Variants in CERS1 observed in about 807,000 individuals in gnomAD.
CERS1 encodes ceramide synthase 1.
In CERS1, 16 loss-of-function variants were observed where a neutral mutation model predicts 35.7. That is an observed-to-expected ratio of 0.45 (90% CI 0.30 to 0.68). The LOEUF (loss-of-function observed/expected upper bound fraction) is 0.68. Among genes scored for constraint, CERS1 ranks in the 30% least tolerant of loss-of-function variants. The pLI, the probability that CERS1 is intolerant of heterozygous loss-of-function variation, is 0.08. For synonymous variants in CERS1, 243 were observed against 201.6 expected (o/e 1.21, Z -1.74); for missense variants, 454 against 453.9 (o/e 1.00, Z 0.00).
intron 2 of CERS1, among the ~76,000 whole-genome samples, chr19:18,887,187 C>T (rs2056382919): frequency 6.6e-6 from 1 of 152,216 alleles, no homozygotes; most frequent in South Asian, 2.1e-4. Flanking sequence ...AAGAATGAAG[C>T]ACGGATCCAT....
chr19:18,885,325 T>C (rs1386790885), intron 2 of CERS1, among the ~76,000 whole-genome samples: 1 of 151,482 alleles, frequency 6.6e-6, no homozygotes, highest in Non-Finnish European at 1.5e-5. Flanking sequence ...CTCAGCCTCC[T>C]GAGTAGCTGG....
intron 2 of CERS1, among the ~76,000 whole-genome samples, chr19:18,891,962 C>T (rs59926723): frequency 2.0e-4 from 31 of 151,430 alleles, no homozygotes; most frequent in African/African-American, 7.3e-4. Flanking sequence ...GGCACCATCT[C>T]GGCTCACTGC....
In CERS1 at chr19:18,895,986, G is replaced by T; in HGVS notation, c.87C>A (p.Ser29Arg). The T allele has an allele frequency of 1.9e-6, 2 of 1,041,812 alleles. No homozygotes were observed. Among genetic ancestry groups the T allele is most frequent in the Non-Finnish European group, 2.3e-6 (2 of 867,072 alleles). 64.5% of individuals were successfully genotyped at this position (1,041,812 alleles called of 1,614,324 possible). The change falls in exon 1 of 8, where the codon AGC becomes AGA. Residue 29 changes from serine to arginine, a missense_variant. By Grantham distance (110) the Ser-to-Arg change is moderately radical (BLOSUM62 -1). Coordinates refer to ENST00000623882, the MANE Select transcript of CERS1 (RefSeq NM_021267.5). The surrounding 1 kb of genome is among the most constrained non-coding windows in gnomAD (Gnocchi z 6.4). ...TGCAGCCCCGCGCCGCCGCCAGCGC[G>T]CTGCCCCAGCCGCGCTGCACTAGCT... Reference protein sequence around the residue: ...YAQLVQRGWGSALAAARGCTD... With the variant: ...YAQLVQRGWGRALAAARGCTD...
In CERS1 at chr19:18,878,640, CGCCACACCA is replaced by C; in HGVS notation, c.1010+281_1010+289del. 1 of 1,232,672 alleles carries C rather than the reference CGCCACACCA, an allele frequency of 8.1e-7. No homozygotes were observed. The highest frequency in any genetic ancestry group is 4.3e-5 in the East Asian group (1 of 23,160). The allele number at this position is 1,232,672 out of a possible 1,614,324, so 76.4% of individuals were successfully genotyped here. A position where few individuals can be genotyped will look rare whatever the true frequency, so the allele number is the denominator to read the frequency against. On this transcript the variant is annotated intron_variant, in intron 6 of 7. Transcript: ENST00000623882. This position sits in a 1 kb window ranked among gnomAD's most constrained non-coding sequence, Gnocchi z 4.6. ...CCACAGGGCCCTGGCTCGCCACTCC[CGCCACACCA>C]GCCACTAGGCCTGGCCCTCAGTGTC... is the stretch of plus-strand genomic sequence containing the variant.
rs1291714515 is a variant in CERS1 at position 18,870,117 on chromosome 19, C to T, written c.*460G>A. On this transcript the variant is annotated 3_prime_UTR_variant, in exon 7 of 8. Coordinates refer to ENST00000623882, the MANE Select transcript of CERS1 (RefSeq NM_021267.5). This position sits in a 1 kb window ranked among gnomAD's most constrained non-coding sequence, Gnocchi z 5.1. ...CTGGGGGTCCCGGCGTCGAAACAGGCGCCACATGACCGGGGGAACCGGCCG... is the reference window on the plus strand; with the variant it reads ...CTGGGGGTCCCGGCGTCGAAACAGGTGCCACATGACCGGGGGAACCGGCCG... The T allele has an allele frequency of 1.3e-6, 2 of 1,566,412 alleles. No homozygotes were observed. The highest frequency in any genetic ancestry group is 8.6e-7 in the Non-Finnish European group (1 of 1,161,324).
At chr19:18,888,534 A>AAAC (rs1555706268) in intron 2 of CERS1, among the ~76,000 whole-genome samples, 6 of 148,934 alleles carry the variant, frequency 4.0e-5, no homozygotes, top group African/African-American at 1.5e-4. Flanking sequence ...AAAAAAAAAA[A>AAAC]AAAAAAAAAA....
rs558178531 is a variant in CERS1, at chr19:18,870,941, C to A, written c.1011-322G>T. ...CTGGAGGGCAAAACCCACGTACCGG[C>A]CTGGGCCTGACAACTCCACCGCCTC... On this transcript the variant is annotated intron_variant, in intron 6 of 7. Coordinates refer to ENST00000623882, the MANE Select transcript of CERS1 (RefSeq NM_021267.5). This position sits in a 1 kb window ranked among gnomAD's most constrained non-coding sequence, Gnocchi z 5.1. 5.3e-5 allele frequency among the ~76,000 whole-genome samples: 8 copies of A among 152,306 alleles called. No homozygotes were observed. The East Asian group carries it at 1.5e-3, about 29-fold the overall frequency.
Position 18,893,509 on chromosome 19 carries a change from A to G in CERS1, c.316T>C (p.Phe106Leu). The change falls in exon 2 of 8, where the codon TTT becomes CTT. Residue 106 changes from phenylalanine (F) to leucine (L), a missense_variant. Transcript: ENST00000623882. ...AAKMPESAWKFLFYLGSWSYS... is the reference protein window; with the variant it reads ...AAKMPESAWKLLFYLGSWSYS... Reference sequence around the variant, plus strand: ...CTCCAGCTGCCCAGGTAGAAGAGAAACTTCCAAGCGCTCTCGGGCATCTTG... The same window carrying G: ...CTCCAGCTGCCCAGGTAGAAGAGAAGCTTCCAAGCGCTCTCGGGCATCTTG... The G allele has an allele frequency of 6.2e-7, 1 of 1,610,406 alleles. No homozygotes were observed. Among genetic ancestry groups the G allele is most frequent in the Non-Finnish European group, 8.5e-7 (1 of 1,178,636 alleles).
Position 18,878,038 on chromosome 19 carries a change from A to T in CERS1, c.1010+892T>A, listed in dbSNP as rs1477291444. On this transcript the variant is annotated intron_variant, in intron 6 of 7. Coordinates refer to ENST00000623882, the MANE Select transcript of CERS1 (RefSeq NM_021267.5). The surrounding 1 kb of genome is among the most constrained non-coding windows in gnomAD (Gnocchi z 4.6). The stretch of plus-strand genomic sequence containing the variant: ...CTGGCTACAGCCCCGGATGTGTTAA[A>T]TGTCTGCATCTCGCACCTCCCGTTC... 40 of 985,322 alleles carry T rather than the reference A, an allele frequency of 4.1e-5. No homozygotes were observed. The highest frequency in any genetic ancestry group is 4.7e-5 in the Non-Finnish European group (39 of 829,974). 61.0% of individuals were successfully genotyped at this position (985,322 alleles called of 1,614,324 possible).
rs1394869987 is a variant in CERS1, at chr19:18,879,304, G to A, written c.837C>T (p.Pro279=). The change falls in exon 5 of 8, where the codon CCC becomes CCT. Residue 279 remains proline (P), a synonymous_variant. Coordinates refer to ENST00000623882, the MANE Select transcript of CERS1 (RefSeq NM_021267.5). ...GGAGCGCATTGAAGAAGAAGTAGAA[G>A]GGGATGTCAGGCACCGTGCGCAGAC... ...HCSLRTVPDI[P]FYFFFNALLL... 1 of 1,612,814 alleles carries A rather than the reference G, an allele frequency of 6.2e-7. No individual in the cohort carries two copies. Among genetic ancestry groups the A allele is most frequent in the South Asian group, 1.1e-5 (1 of 90,712 alleles).
Position 18,869,397 on chromosome 19 carries a change from A to T in CERS1, c.*595-7T>A. On this transcript the variant is annotated splice_polypyrimidine_tract_variant and splice_region_variant and intron_variant, in intron 7 of 7. Transcript: ENST00000623882. ...GAGGCCCGGGTGGGCGCACCTGGGG[A>T]GGTAGGAACAGGAACTCGGCTCGCG... The T allele has an allele frequency of 6.6e-7, 1 of 1,526,468 alleles. No individual in the cohort carries two copies. Among genetic ancestry groups the T allele is most frequent in the Non-Finnish European group, 8.7e-7 (1 of 1,143,284 alleles). The allele number at this position is 1,526,468 out of a possible 1,614,324, so 94.6% of individuals were successfully genotyped here. A position where few individuals can be genotyped will look rare whatever the true frequency, so the allele number is the denominator to read the frequency against.
Position 18,880,328 on chromosome 19 carries a change from T to C in CERS1, c.698A>G (p.His233Arg), listed in dbSNP as rs2056172422. ...IYFKSRGGSY[H>R]RLHALAADLG... is the part of the protein sequence containing the mutation. ...GTCTGCTGCCAAGGCATGCAGCCGATGGTAGGAGCCGCCGCGGGACTTGAA... is the reference window on the plus strand; with the variant it reads ...GTCTGCTGCCAAGGCATGCAGCCGACGGTAGGAGCCGCCGCGGGACTTGAA... Residue 233 changes from histidine (H) to arginine (R), a missense_variant, in exon 4 of 8, where the codon CAT (histidine) becomes CGT (arginine). Transcript: ENST00000623882. 4 of 1,554,836 alleles carry C rather than the reference T, an allele frequency of 2.6e-6. No individual in the cohort carries two copies. The highest frequency in any genetic ancestry group is 3.5e-6 in the Non-Finnish European group (4 of 1,149,362).
rs573367364 is a variant in CERS1, at chr19:18,882,118, A to G, written c.591-1683T>C. ...AGCCACTGCACCTGGCCTTTTCTCC[A>G]TAATTCTTATCACCTTCAAATGAAC... On this transcript the variant is annotated intron_variant, in intron 3 of 7. Transcript: ENST00000623882. 3.9e-5 allele frequency: 6 copies of G among 154,404 alleles called. No individual in the cohort carries two copies. The South Asian group carries it at 1.0e-3, about 26-fold the overall frequency. 9.6% of individuals were successfully genotyped at this position (154,404 alleles called of 1,614,324 possible).
At position 18,870,100 on chromosome 19, in the gene CERS1, C is replaced by A. The variant is rs1189916653; in HGVS notation, c.*477G>T. ...GAGCCAGACCTGGTCTCCTGGGGGT[C>A]CCGGCGTCGAAACAGGCGCCACATG... On this transcript the variant is annotated 3_prime_UTR_variant, in exon 7 of 8. Coordinates refer to ENST00000623882, the MANE Select transcript of CERS1 (RefSeq NM_021267.5). This position sits in a 1 kb window ranked among gnomAD's most constrained non-coding sequence, Gnocchi z 5.1. 2 of 1,571,296 alleles carry A rather than the reference C, an allele frequency of 1.3e-6. No homozygotes were observed. Among genetic ancestry groups the A allele is most frequent in the Admixed American group, 3.6e-5 (2 of 55,324 alleles).
At chr19:18,894,249 G>A (rs2056569872) in intron 1 of CERS1, among the ~76,000 whole-genome samples, 1 of 151,598 alleles carries the variant, frequency 6.6e-6, no homozygotes, top group Non-Finnish European at 1.5e-5. Context: ...GGAGTGCGGT[G>A]GGTGGGTGGG....
chr19:18,894,892 G>A (rs2056588369), intron 1 of CERS1, among the ~76,000 whole-genome samples: 1 of 152,190 alleles, frequency 6.6e-6, no homozygotes, highest in African/African-American at 2.4e-5. Flanking sequence ...CAGCCAGACG[G>A]GCGGGGTGAC....
Position 18,870,634 on chromosome 19 carries a change from C to T in CERS1, c.1011-15G>A. On this transcript the variant is annotated splice_polypyrimidine_tract_variant and intron_variant, in intron 6 of 7. Coordinates refer to ENST00000623882, the MANE Select transcript of CERS1 (RefSeq NM_021267.5). The surrounding 1 kb of genome is among the most constrained non-coding windows in gnomAD (Gnocchi z 5.1). Reference sequence around the variant, plus strand: ...TCAGTGGCTTCCTGGGGGTCAGAACCGGCGCAGGTTAGCCTGGGAGCCCCA... The same window carrying T: ...TCAGTGGCTTCCTGGGGGTCAGAACTGGCGCAGGTTAGCCTGGGAGCCCCA... The T allele has an allele frequency of 1.8e-6, 1 of 559,720 alleles. No homozygotes were observed. Among genetic ancestry groups the T allele is most frequent in the Non-Finnish European group, 3.2e-6 (1 of 309,400 alleles). The allele number at this position is 559,720 out of a possible 1,614,324, so 34.7% of individuals were successfully genotyped here. A position where few individuals can be genotyped will look rare whatever the true frequency, so the allele number is the denominator to read the frequency against.
intron 2 of CERS1, among the ~76,000 whole-genome samples, chr19:18,889,726 G>A (rs2056447316): frequency 6.6e-6 from 1 of 151,852 alleles, no homozygotes; most frequent in Non-Finnish European, 1.5e-5. Flanking sequence ...CACCGCACCT[G>A]GCCTGTCCCA....
intron 6 of CERS1, among the ~76,000 whole-genome samples, chr19:18,875,333 G>A (rs146177395): frequency 6.6e-6 from 1 of 152,022 alleles, no homozygotes; most frequent in African/African-American, 2.4e-5. Flanking sequence ...AACACTTGAG[G>A]TCAGGAGTTC....
Sources: allele counts gnomAD v4.1 joint callset (sites outside exome capture counted in the v4.1 genomes callset), GRCh38; gene constraint gnomAD v4.1.1; non-coding constraint Gnocchi (gnomAD v3.1); transcripts MANE v1.5; gene names NCBI Gene and HGNC (gene_info 2026-07-23, HGNC 2026-07-21).